SLC14A2: variants seen among roughly 807,000 people sequenced by gnomAD.
SLC14A2 encodes solute carrier family 14 member 2.
A neutral mutation model predicts 104.6 loss-of-function variants in SLC14A2; 91 were observed. The observed-to-expected ratio is 0.87, with a 90% CI of 0.73 to 1.04. The LOEUF is 1.04. Among genes scored for constraint, SLC14A2 ranks in the 50% least tolerant of loss-of-function variants. The probability of loss-of-function intolerance (pLI) is 0.00; values close to 1 mark genes in which losing one functional copy is unlikely to be tolerated. For synonymous variants in SLC14A2, 476 were observed against 466.4 expected, an observed-to-expected ratio of 1.02 and a Z score of -0.27; for missense variants, 1,189 against 1,156.0, an observed-to-expected ratio of 1.03 and a Z score of -0.41.
At chr18:45,433,387 T>G (rs1191174043) in intron 1 of SLC14A2, among the ~76,000 whole-genome samples, 1 of 152,246 alleles carries the variant, frequency 6.6e-6, no homozygotes, top group African/African-American at 2.4e-5. Context: ...CTTATCTTCC[T>G]AGGCCTTCTT....
At chr18:45,478,116 G>A (rs2144689110) in intron 1 of SLC14A2, among the ~76,000 whole-genome samples, 1 of 152,324 alleles carries the variant, frequency 6.6e-6, no homozygotes, top group East Asian at 1.9e-4. Context: ...CGGTGGTGTA[G>A]GCACCCAAGG....
upstream of SLC14A2, among the ~76,000 whole-genome samples, chr18:45,208,402 A>G (rs145736701): frequency 6.6e-6 from 1 of 152,330 alleles, no homozygotes; most frequent in South Asian, 2.1e-4. Flanking sequence ...TCTGAGAGAC[A>G]TAAGAGCTAA....
chr18:45,233,299 C>T (rs532271016), intron 1 of SLC14A2, among the ~76,000 whole-genome samples: 1 of 152,214 alleles, frequency 6.6e-6, no homozygotes, highest in East Asian at 1.9e-4. Flanking sequence ...GATCTGTGCT[C>T]ACATAACTAA....
chr18:45,682,572 A>G lies in SLC14A2; in HGVS notation c.*53A>G. 2.1e-6 allele frequency: 3 copies of G among 1,455,782 alleles called. No homozygotes were observed. The highest frequency in any genetic ancestry group is 2.3e-5 in the East Asian group (1 of 44,154). 90.2% of individuals were successfully genotyped at this position (1,455,782 alleles called of 1,614,324 possible). A position where few individuals can be genotyped will look rare whatever the true frequency, so the allele number is the denominator to read the frequency against. Reference sequence around the variant, plus strand: ...AAATTCAGGCTTCAGCACGCCGTCCAGATCCCCAGGATAAGAGACCACTTA... The same window carrying G: ...AAATTCAGGCTTCAGCACGCCGTCCGGATCCCCAGGATAAGAGACCACTTA... On this transcript the variant is annotated 3_prime_UTR_variant, in exon 20 of 20. Transcript: ENST00000255226.
chr18:45,251,868 A>G (rs1315744548), intron 1 of SLC14A2, among the ~76,000 whole-genome samples: 5 of 152,232 alleles, frequency 3.3e-5, no homozygotes, highest in Admixed American at 6.5e-5. Flanking sequence ...CATAACATGT[A>G]GCAAATAGAG....
chr18:45,639,645 C>A, intron 6 of SLC14A2, 101 bp from the exon 7 acceptor site: 1 of 1,147,962 alleles, frequency 8.7e-7, no homozygotes, highest in Non-Finnish European at 1.3e-6. Flanking sequence ...CCTCCCGTTC[C>A]ACTCCATTAC....
intron 1 of SLC14A2, among the ~76,000 whole-genome samples, chr18:45,434,680 A>G (rs1364663941): frequency 6.6e-6 from 1 of 152,224 alleles, no homozygotes; most frequent in African/African-American, 2.4e-5. Context: ...ATTGAAAAAT[A>G]GTTTAAAAAA....
chr18:45,625,341 T>A (rs753867588), intron 2 of SLC14A2, among the ~76,000 whole-genome samples: 2 of 152,252 alleles, frequency 1.3e-5, no homozygotes, highest in Non-Finnish European at 2.9e-5. Context: ...AGTAAGATTA[T>A]AACTGCATTT....
intron 1 of SLC14A2, among the ~76,000 whole-genome samples, chr18:45,357,955 C>T (rs2085572344): frequency 6.6e-6 from 1 of 152,170 alleles, no homozygotes; most frequent in Non-Finnish European, 1.5e-5. Flanking sequence ...GATGAGCTGG[C>T]AAGGGCCATA....
intron 1 of SLC14A2, among the ~76,000 whole-genome samples, chr18:45,297,291 T>C (rs1463425757): frequency 6.6e-5 from 10 of 152,222 alleles, no homozygotes; most frequent in Non-Finnish European, 1.5e-4. Context: ...TAATTCAGTG[T>C]AATCATCATC....
At chr18:45,547,085 G>T (rs754204014) in intron 2 of SLC14A2, among the ~76,000 whole-genome samples, 8 of 152,088 alleles carry the variant, frequency 5.3e-5, no homozygotes, top group Non-Finnish European at 1.0e-4. Flanking sequence ...CTAATCAGAC[G>T]GTCCAGAGCT....
chr18:45,580,220 A>C (rs1599026918), intron 2 of SLC14A2, among the ~76,000 whole-genome samples: 1 of 152,234 alleles, frequency 6.6e-6, no homozygotes. Flanking sequence ...GGGGACAGGA[A>C]GGAGGTAGCA....
At chr18:45,565,375 C>T (rs1325730567) in intron 2 of SLC14A2, among the ~76,000 whole-genome samples, 2 of 152,066 alleles carry the variant, frequency 1.3e-5, no homozygotes, top group Non-Finnish European at 2.9e-5. Flanking sequence ...CCGCCCGCCT[C>T]GTGGGATCCC....
chr18:45,569,784 C>A (rs1460288041), intron 2 of SLC14A2, among the ~76,000 whole-genome samples: 5 of 152,186 alleles, frequency 3.3e-5, no homozygotes, highest in East Asian at 1.9e-4. Context: ...GGAGACACAG[C>A]CCTGGGAAGG....
intron 2 of SLC14A2, among the ~76,000 whole-genome samples, chr18:45,597,054 C>T (rs768318631): frequency 6.6e-5 from 10 of 152,200 alleles, no homozygotes; most frequent in Admixed American, 2.0e-4. Flanking sequence ...CAGCCGGGCA[C>T]GGTGGCTCAT....
chr18:45,511,360 T>C (rs752648469), intron 2 of SLC14A2, among the ~76,000 whole-genome samples: 56 of 152,202 alleles, frequency 3.7e-4, no homozygotes, highest in Non-Finnish European at 6.9e-4. Context: ...AGCTTAAACA[T>C]TAATTTTTCA....
At chr18:45,500,646 G>C (rs1341416764) in intron 2 of SLC14A2, among the ~76,000 whole-genome samples, 2 of 151,634 alleles carry the variant, frequency 1.3e-5, no homozygotes, top group Non-Finnish European at 2.9e-5. Flanking sequence ...ATCTCTAGCA[G>C]GTTTCCAGTT....
rs75634331 is a variant in SLC14A2 at position 45,320,903 on chromosome 18, A to G, written c.-125+107712A>G. 3.3e-5 allele frequency among the ~76,000 whole-genome samples: 5 copies of G among 152,278 alleles called. No individual in the cohort carries two copies. The South Asian group carries it at 8.3e-4, about 25-fold the overall frequency. ...AGTGCCTTTGAACTCTGACTACAAC[A>G]TCATCTGCATAAAGATTGCATCATC... On this transcript the variant is annotated intron_variant, in intron 1 of 20. Coordinates refer to the SLC14A2 transcript ENST00000586448.
chr18:45,598,895 A>T (rs2044750228), intron 2 of SLC14A2, among the ~76,000 whole-genome samples: 1 of 152,198 alleles, frequency 6.6e-6, no homozygotes, highest in African/African-American at 2.4e-5. Flanking sequence ...CTTCATTTTT[A>T]ACTTTCTTAC....
Sources: gnomAD v4.1 joint callset for allele counts (sites outside exome capture counted in the v4.1 genomes callset) on GRCh38, gnomAD v4.1.1 for gene constraint, MANE v1.5 for transcripts, NCBI Gene and HGNC (gene_info 2026-07-23, HGNC 2026-07-21) for gene names.